The following PWWP2A variants were observed in gnomAD, a reference collection of about 807,000 sequenced individuals.
PWWP2A encodes the protein PWWP domain-containing protein 2A.
Under a neutral mutation model 48.5 loss-of-function variants are expected in PWWP2A, and 18 were observed. That is an observed-to-expected ratio of 0.37 (90% confidence interval 0.26 to 0.55). The LOEUF (loss-of-function observed/expected upper bound fraction) is 0.55. PWWP2A is among the 20% of genes least tolerant of loss of function. The pLI is 0.81. For missense variants in PWWP2A, 867 were observed against 976.4 expected (o/e 0.89, Z 1.49); for synonymous variants, 396 against 387.7 (o/e 1.02, Z -0.25).
chr5:160,092,431 T>C lies in PWWP2A; in HGVS notation c.2219A>G (p.Lys740Arg). 1 of 1,550,794 alleles carries C rather than the reference T, an allele frequency of 6.4e-7. No individual in the cohort carries two copies. Among genetic ancestry groups the C allele is most frequent in the Non-Finnish European group, 8.7e-7 (1 of 1,146,778 alleles). The change falls in exon 2 of 2, where the codon AAG (lysine) becomes AGG (arginine). Residue 740 changes from lysine to arginine, a missense_variant. Physicochemically the swap from Lys to Arg is conservative, Grantham distance 26. Transcript: ENST00000307063. ...KAITEAAKAA[K>R]QLTPEVRALL... ...AGCCCGCACTTCGGGGGTCAGCTGC[T>C]TGGCAGCCTTAGCTGCCTCTGTGAT...
At chr5:160,051,082 G>GTTTTTTTT in the PWWP2A span, 1 of 1,236,524 alleles carries the variant, frequency 8.1e-7, no homozygotes, top group Non-Finnish European at 1.1e-6. Flanking sequence ...AAAGGTTTTG[G>GTTTTTTTT]TTTTTTTTTT....
intron 1 of PWWP2A, among the ~76,000 whole-genome samples, chr5:160,112,154 A>C (rs1247302714): frequency 6.6e-6 from 1 of 150,438 alleles, no homozygotes; most frequent in African/African-American, 2.4e-5. Context: ...AAGGAAAAAA[A>C]GAAAAAAGAA....
In PWWP2A at chr5:160,080,741, T is replaced by G. The variant is rs763371154; in HGVS notation, c.1579A>C (p.Thr527Pro). The change falls in exon 3 of 4, where the codon ACA becomes CCA. Residue 527 changes from threonine (T) to proline (P), a missense_variant. By Grantham distance (38) the Thr-to-Pro change is conservative (BLOSUM62 -1). Transcript: ENST00000456329. ...AAGGGAGCAGCAGGACTCGTCACTG[T>G]CTGATGTAATAGCTGCCATTTGTTG... The G allele has an allele frequency of 1.1e-5, 17 of 1,568,130 alleles. No homozygotes were observed. The highest frequency in any genetic ancestry group is 8.1e-5 in the African/African-American group (6 of 74,022).
At chr5:160,098,269 T>C (rs1028548836) in intron 1 of PWWP2A, among the ~76,000 whole-genome samples, 1 of 152,172 alleles carries the variant, frequency 6.6e-6, no homozygotes, top group Non-Finnish European at 1.5e-5. Flanking sequence ...AATTGTGTAA[T>C]GATGAGTGAA....
chr5:160,105,733 C>A (rs562334862), intron 1 of PWWP2A: 1 of 602,938 alleles, frequency 1.7e-6, no homozygotes, highest in African/African-American at 2.0e-5. Flanking sequence ...CAAGATCGCA[C>A]CACTGCACTC....
the PWWP2A span, chr5:160,051,046 G>A: frequency 3.8e-6 from 4 of 1,061,616 alleles, no homozygotes; most frequent in Admixed American, 7.0e-5. Context: ...TAGGATTCTT[G>A]TGTTTCTCAA....
At chr5:160,056,581 C>CGGCATGT in the PWWP2A span, among the ~76,000 whole-genome samples, 1 of 152,074 alleles carries the variant, frequency 6.6e-6, no homozygotes, top group Non-Finnish European at 1.5e-5. Context: ...AAAATTAGCC[C>CGGCATGT]GGCATGTGGC....
downstream of PWWP2A, among the ~76,000 whole-genome samples, chr5:160,073,736 T>G (rs551828151): frequency 6.6e-6 from 1 of 152,126 alleles, no homozygotes; most frequent in Admixed American, 6.5e-5. Flanking sequence ...CACTACCTTG[T>G]TGGTACCAAA....
exon 4 of PWWP2A, chr5:160,076,755 TAC>T (rs976568392): frequency 3.3e-5 from 5 of 152,204 alleles, no homozygotes; most frequent in African/African-American, 1.2e-4. Flanking sequence ...ATTCCAAACT[TAC>T]ACAGTAACAT....
chr5:160,050,237 C>T, the PWWP2A span, among the ~76,000 whole-genome samples: 3 of 152,144 alleles, frequency 2.0e-5, no homozygotes, highest in African/African-American at 4.8e-5. Context: ...CACCTGAGGT[C>T]GGGAGTTCGA....
chr5:160,063,859 C>T (rs1433271959), intron 4 of PWWP2A, among the ~76,000 whole-genome samples: 1 of 151,780 alleles, frequency 6.6e-6, no homozygotes, highest in Non-Finnish European at 1.5e-5. Flanking sequence ...TCGGGCTGGT[C>T]TTGAACTCCT....
In PWWP2A at chr5:160,078,205, A is replaced by T. The variant is rs1753984994; in HGVS notation, c.1670-37T>A. 16 of 1,485,924 alleles carry T rather than the reference A, an allele frequency of 1.1e-5. No individual in the cohort carries two copies. The highest frequency in any genetic ancestry group is 1.5e-5 in the Non-Finnish European group (16 of 1,087,466). The allele number at this position is 1,485,924 out of a possible 1,614,324, so 92.0% of individuals were successfully genotyped here. ...TAAAGAAAAGGAAGAAAATGTCGTT[A>T]AGCACAAGTAATTATATGAGGAAAA... is the stretch of plus-strand genomic sequence containing the variant. On this transcript the variant is annotated intron_variant, in intron 3 of 3. Coordinates refer to the PWWP2A transcript ENST00000456329. The surrounding 1 kb of genome is among the most constrained non-coding windows in gnomAD (Gnocchi z 4.2).
the PWWP2A span, among the ~76,000 whole-genome samples, chr5:160,047,111 C>G: frequency 6.6e-6 from 1 of 152,070 alleles, no homozygotes; most frequent in Non-Finnish European, 1.5e-5. Context: ...AAATATAAAA[C>G]TAATAAATAC....
At chr5:160,117,688 T>C (rs1758284696) in intron 1 of PWWP2A, 1 of 155,292 alleles carries the variant, frequency 6.4e-6, no homozygotes, top group Non-Finnish European at 1.4e-5. Context: ...TGAGATTAAA[T>C]AATACAGAAT....
chr5:160,113,784 A>C (rs1046726517), intron 1 of PWWP2A, among the ~76,000 whole-genome samples: 1 of 152,226 alleles, frequency 6.6e-6, no homozygotes, highest in Non-Finnish European at 1.5e-5. Context: ...CAAGAGAAGC[A>C]CTAACTTTCA....
In PWWP2A at chr5:160,119,163, CCGG is replaced by C. The variant is rs772304273; in HGVS notation, c.223_225del (p.Pro75del). On this transcript the variant is annotated inframe_deletion, in exon 1 of 2. Coordinates refer to ENST00000307063, the MANE Select transcript of PWWP2A (RefSeq NM_001130864.2). ...GCCTCTGGGCTGCGGGCGAGCTCCC[CCGG>C]CGGCGGCGGTGGCGGCGGGAGCGGC... 5.2e-6 allele frequency: 8 copies of C among 1,529,382 alleles called. No homozygotes were observed. Among genetic ancestry groups the C allele is most frequent in the Admixed American group, 2.2e-5 (1 of 45,276 alleles). 94.7% of individuals were successfully genotyped at this position (1,529,382 alleles called of 1,614,324 possible). A position where few individuals can be genotyped will look rare whatever the true frequency, so the allele number is the denominator to read the frequency against.
chr5:160,045,774 G>A, the PWWP2A span, among the ~76,000 whole-genome samples: 1 of 151,702 alleles, frequency 6.6e-6, no homozygotes, highest in African/African-American at 2.4e-5. Flanking sequence ...ACAGAGACTC[G>A]CTCTGTTGCC....
downstream of PWWP2A, among the ~76,000 whole-genome samples, chr5:160,074,312 C>G (rs2113448060): frequency 6.6e-6 from 1 of 151,614 alleles, no homozygotes; most frequent in East Asian, 2.0e-4. Flanking sequence ...GTGGCACATG[C>G]CTGTAATCCC....
the PWWP2A span, chr5:160,051,190 T>G: frequency 6.2e-7 from 1 of 1,607,638 alleles, no homozygotes; most frequent in South Asian, 1.1e-5. Context: ...TTAGGTAAGC[T>G]TACTTCTTAC....
Sources: allele counts gnomAD v4.1 joint callset (sites outside exome capture counted in the v4.1 genomes callset), GRCh38; gene constraint gnomAD v4.1.1; non-coding constraint Gnocchi (gnomAD v3.1); transcripts MANE v1.5; gene names NCBI Gene and HGNC (gene_info 2026-07-23, HGNC 2026-07-21).